PRSS55: variants seen among roughly 807,000 people sequenced by gnomAD.
The protein encoded by PRSS55 is serine protease 55, also known as probable serine protease UNQ9391/PRO34284.
PRSS55 carries 41 observed loss-of-function variants against 23.6 expected under a neutral mutation model. That is an observed-to-expected ratio of 1.74 (90% CI 1.35 to 2.26). The LOEUF is 2.26. Ranked by LOEUF, PRSS55 falls within the 30% of genes most tolerant of loss-of-function variation. The pLI, the probability that PRSS55 is intolerant of heterozygous loss-of-function variation, is 0.00. For synonymous variants in PRSS55, 262 were observed against 175.5 expected, an observed-to-expected ratio of 1.49 and a Z score of -3.90; for missense variants, 669 against 439.1, an observed-to-expected ratio of 1.52 and a Z score of -4.68.
chr8:10,551,582 G>C (rs1812951553), intron 4 of PRSS55, among the ~76,000 whole-genome samples: 1 of 152,238 alleles, frequency 6.6e-6, no homozygotes, highest in Admixed American at 6.5e-5. Flanking sequence ...AGGTCATCTT[G>C]TGCGAGGTAG....
chr8:10,552,813 A>G (rs28723493), intron 4 of PRSS55, among the ~76,000 whole-genome samples: 47,218 of 152,132 alleles, frequency 0.31, 7,699 homozygotes, highest in South Asian at 0.47. Flanking sequence ...TTTGTACTCC[A>G]TTGGTAGGAA....
exon 5 of PRSS55, chr8:10,554,147 G>C (rs1460714535): frequency 1.7e-6 from 1 of 580,688 alleles, no homozygotes; most frequent in African/African-American, 1.9e-5. Flanking sequence ...CTGAAAAAAT[G>C]AATAAAAGCC....
chr8:10,550,616 G>C (rs74777978), intron 4 of PRSS55, among the ~76,000 whole-genome samples: 1 of 152,258 alleles, frequency 6.6e-6, no homozygotes, highest in Admixed American at 6.5e-5. Flanking sequence ...TTCTGAGACC[G>C]ATTGCCTGAA....
At chr8:10,538,061 C>T (rs1005174567) in intron 4 of PRSS55, among the ~76,000 whole-genome samples, 3 of 152,168 alleles carry the variant, frequency 2.0e-5, no homozygotes, top group African/African-American at 7.2e-5. Flanking sequence ...AAAGGAGACC[C>T]AGTTCTTAGC....
chr8:10,548,442 G>T (rs1173286895), intron 4 of PRSS55, among the ~76,000 whole-genome samples: 1 of 152,068 alleles, frequency 6.6e-6, no homozygotes, highest in Non-Finnish European at 1.5e-5. Context: ...CACCCTGCTG[G>T]GCCCTCACGG....
At chr8:10,535,800 T>A (rs1040977260) in intron 4 of PRSS55, among the ~76,000 whole-genome samples, 1 of 152,190 alleles carries the variant, frequency 6.6e-6, no homozygotes, top group Non-Finnish European at 1.5e-5. Flanking sequence ...GAGAAAATAT[T>A]TGCAAACTAT....
At position 10,538,649 on chromosome 8, in the gene PRSS55, C is replaced by T. The variant is rs768822202; in HGVS notation, c.915C>T (p.Pro305=). Reference sequence around the variant, plus strand: ...AAGTGACCCAGCTAGAGGGCAGGCCCTTCAATGCAGAGAAAAGGAGGACTT... The same window carrying T: ...AAGTGACCCAGCTAGAGGGCAGGCCTTTCAATGCAGAGAAAAGGAGGACTT... ...IEKVTQLEGR[P]FNAEKRRTSV... is the part of the protein sequence containing the mutation. The change falls in exon 5 of 5, where the codon CCC becomes CCT. Residue 305 remains proline (P), a synonymous_variant. Transcript: ENST00000328655. The T allele has an allele frequency of 1.9e-6, 3 of 1,614,172 alleles. No homozygotes were observed. The highest frequency in any genetic ancestry group is 2.5e-6 in the Non-Finnish European group (3 of 1,180,034).
intron 3 of PRSS55, among the ~76,000 whole-genome samples, 157 bp from the exon 4 acceptor site, chr8:10,532,749 G>A (rs1383306907): frequency 6.6e-6 from 1 of 152,122 alleles, no homozygotes; most frequent in Admixed American, 6.6e-5. Context: ...GTAAGTTGCA[G>A]GCATGGGGTA....
chr8:10,536,251 G>GA lies in PRSS55; in HGVS notation c.742-2216dup, dbSNP rs201366036. Among the ~76,000 whole-genome samples, 126 of 150,786 alleles carry GA rather than the reference G, an allele frequency of 8.4e-4. 2 individuals carry two copies. The East Asian group carries it at 0.01, about 12-fold the overall frequency. ...ACATACATGCAGCCAACAAGCATAT[G>GA]AAAAAAAAATAAAGCTCAATATCAC... On this transcript the variant is annotated intron_variant, in intron 4 of 4. Coordinates refer to ENST00000328655, the MANE Select transcript of PRSS55 (RefSeq NM_198464.4).
At chr8:10,531,059 C>A (rs1222541246) in intron 2 of PRSS55, among the ~76,000 whole-genome samples, 1 of 152,090 alleles carries the variant, frequency 6.6e-6, no homozygotes, top group Non-Finnish European at 1.5e-5. Context: ...ATCCCTGGGG[C>A]CCCTGATGGT....
downstream of PRSS55, among the ~76,000 whole-genome samples, chr8:10,539,282 G>A (rs539198796): frequency 4.6e-5 from 7 of 152,280 alleles, no homozygotes; most frequent in Non-Finnish European, 1.0e-4. Flanking sequence ...CCCACATTAT[G>A]ATGGGCAATC....
intron 1 of PRSS55, among the ~76,000 whole-genome samples, chr8:10,528,446 A>C (rs1233104175): frequency 1.1e-4 from 16 of 152,214 alleles, no homozygotes; most frequent in Admixed American, 1.0e-3. Flanking sequence ...CTTGTTCCAG[A>C]ACACAAGGCA....
At chr8:10,535,658 C>T (rs553743769) in intron 4 of PRSS55, among the ~76,000 whole-genome samples, 6 of 152,290 alleles carry the variant, frequency 3.9e-5, no homozygotes, top group African/African-American at 1.4e-4. Context: ...TGACATAGGC[C>T]TTAGCAAAGA....
intron 4 of PRSS55, among the ~76,000 whole-genome samples, chr8:10,551,537 C>T (rs990646801): frequency 1.3e-5 from 2 of 152,154 alleles, no homozygotes; most frequent in African/African-American, 2.4e-5. Context: ...CCCAGCAGAT[C>T]GAGGACCAGC....
At chr8:10,543,723 T>A (rs531779437), downstream of PRSS55, among the ~76,000 whole-genome samples, 19 of 100,198 alleles carry the variant, frequency 1.9e-4, no homozygotes, top group Admixed American at 1.1e-3. Context: ...TATGTTTTTG[T>A]GTGTTATGTT....
chr8:10,552,361 A>G (rs147908851), intron 4 of PRSS55, among the ~76,000 whole-genome samples: 35 of 152,360 alleles, frequency 2.3e-4, no homozygotes, highest in African/African-American at 7.7e-4. Context: ...CACCGGGTTG[A>G]AAAAGCAAAG....
intron 1 of PRSS55, among the ~76,000 whole-genome samples, chr8:10,528,363 C>G (rs1163396805): frequency 6.6e-6 from 1 of 152,186 alleles, no homozygotes; most frequent in African/African-American, 2.4e-5. Context: ...TTCTGTTGAG[C>G]TGATGGTTGG....
chr8:10,530,401 G>T (rs1026225833), intron 2 of PRSS55, among the ~76,000 whole-genome samples: 1 of 152,242 alleles, frequency 6.6e-6, no homozygotes, highest in Middle Eastern at 3.2e-3. Flanking sequence ...CTTGAACCCA[G>T]GAGGCAGATG....
At position 10,536,231 on chromosome 8, in the gene PRSS55, C is replaced by T. The variant is rs140667056; in HGVS notation, c.742-2245C>T. Among the ~76,000 whole-genome samples the T allele has an allele frequency of 3.2e-4, 48 of 152,034 alleles. 1 individual carries two copies. In the East Asian group the frequency reaches 5.6e-3, roughly 18 times the overall value. The stretch of plus-strand genomic sequence containing the variant: ...CAGACACTTCTCAAAAGAAGACATA[C>T]ATGCAGCCAACAAGCATATGAAAAA... On this transcript the variant is annotated intron_variant, in intron 4 of 4. Transcript: ENST00000328655.
Sources: allele counts gnomAD v4.1 joint callset (sites outside exome capture counted in the v4.1 genomes callset), GRCh38; gene constraint gnomAD v4.1.1; transcripts MANE v1.5; gene names NCBI Gene and HGNC (gene_info 2026-07-23, HGNC 2026-07-21).